The following KCNB2 variants were observed in gnomAD, a reference collection of about 807,000 sequenced individuals.
The protein encoded by KCNB2 is delayed rectifier potassium channel protein.
KCNB2 carries 15 observed loss-of-function variants against 61.5 expected under a neutral mutation model. The ratio of observed to expected loss-of-function variants is 0.24; its 90% CI spans 0.16 to 0.38. The LOEUF is 0.38. KCNB2 is among the 10% of genes least tolerant of loss of function. The pLI is 1.00. For synonymous variants in KCNB2, 457 were observed against 446.0 expected (o/e 1.02, Z -0.31); for missense variants, 828 against 1,125.2 (o/e 0.74, Z 3.78).
intron 2 of KCNB2, among the ~76,000 whole-genome samples, chr8:72,569,419 A>T (rs1806677191): frequency 6.6e-6 from 1 of 152,218 alleles, no homozygotes. Context: ...GCACATAAAT[A>T]ATCAGCTAAT....
At chr8:72,631,073 C>T (rs1458184920) in intron 2 of KCNB2, among the ~76,000 whole-genome samples, 1 of 152,086 alleles carries the variant, frequency 6.6e-6, no homozygotes, top group African/African-American at 2.4e-5. Flanking sequence ...AGATGAACAA[C>T]AATAACTAAT....
intron 2 of KCNB2, among the ~76,000 whole-genome samples, chr8:72,616,926 G>T (rs1805628471): frequency 6.6e-6 from 1 of 152,190 alleles, no homozygotes; most frequent in African/African-American, 2.4e-5. Context: ...GGGCTTAAAT[G>T]GATCTCACGG....
chr8:72,667,006 T>TGTGTGTGAGAGAGA (rs141712140), intron 2 of KCNB2, among the ~76,000 whole-genome samples: 3 of 147,830 alleles, frequency 2.0e-5, no homozygotes, highest in African/African-American at 7.6e-5. Flanking sequence ...TGTGTGTGTG[T>TGTGTGTGAGAGAGA]GAGAGAGAGA....
rs1406310738 is a variant in KCNB2 at position 72,920,473 on chromosome 8, C to CTATCTATCTATA, written c.580-15459_580-15458insCTATCTATATAT. On this transcript the variant is annotated intron_variant, in intron 2 of 2. Coordinates refer to ENST00000523207, the MANE Select transcript of KCNB2 (RefSeq NM_004770.3). ...TCTATCTATCTATCTATCTATCTATCTATATATATATATATTAGCTGGCCA... is the reference window on the plus strand; with the variant it reads ...TCTATCTATCTATCTATCTATCTATCTATCTATCTATATATATATATATATATTAGCTGGCCA... Among the ~76,000 whole-genome samples the CTATCTATCTATA allele has an allele frequency of 2.8e-3, 223 of 78,800 alleles. 11 individuals carry two copies. Among genetic ancestry groups the CTATCTATCTATA allele is most frequent in the African/African-American group, 9.6e-3 (214 of 22,182 alleles). The allele number at this position is 78,800 out of a possible 152,430, so 51.7% of individuals were successfully genotyped here.
intron 2 of KCNB2, among the ~76,000 whole-genome samples, chr8:72,802,961 G>A (rs576449147): frequency 3.3e-5 from 5 of 152,274 alleles, no homozygotes; most frequent in African/African-American, 1.2e-4. Context: ...GGTGTTCAGT[G>A]AAAGATTTAT....
chr8:72,589,182 C>T (rs1272022930), intron 2 of KCNB2, among the ~76,000 whole-genome samples: 1 of 151,990 alleles, frequency 6.6e-6, no homozygotes, highest in Non-Finnish European at 1.5e-5. Flanking sequence ...ATAAGGTGAC[C>T]CTGAATGTGT....
intron 2 of KCNB2, among the ~76,000 whole-genome samples, chr8:72,686,797 A>G (rs911758161): frequency 6.6e-6 from 1 of 152,220 alleles, no homozygotes; most frequent in Admixed American, 6.5e-5. Flanking sequence ...AGTCCTGGGC[A>G]CAAAACTCAG....
chr8:72,554,602 C>A (rs1806394904), intron 1 of KCNB2, among the ~76,000 whole-genome samples: 3 of 152,134 alleles, frequency 2.0e-5, no homozygotes, highest in Admixed American at 2.0e-4. Context: ...GCTTTAGCTA[C>A]TGGCCCTGAT....
chr8:72,659,061 T>A (rs149021745), intron 2 of KCNB2, among the ~76,000 whole-genome samples: 1 of 152,134 alleles, frequency 6.6e-6, no homozygotes, highest in Admixed American at 6.5e-5. Context: ...TATAAAAAAA[T>A]ACATTTTATA....
chr8:72,920,421 G>T (rs1806487197), intron 2 of KCNB2, among the ~76,000 whole-genome samples: 1 of 124,762 alleles, frequency 8.0e-6, no homozygotes, highest in African/African-American at 2.7e-5. Flanking sequence ...TGGGCAACAT[G>T]GCAAAACCCC....
intron 2 of KCNB2, among the ~76,000 whole-genome samples, chr8:72,779,927 A>G (rs1266664192): frequency 6.6e-6 from 1 of 152,100 alleles, no homozygotes; most frequent in Non-Finnish European, 1.5e-5. Context: ...TGTTACTGAG[A>G]TTTATCTAGC....
At chr8:72,718,502 A>T (rs1226414432) in intron 2 of KCNB2, among the ~76,000 whole-genome samples, 1 of 152,192 alleles carries the variant, frequency 6.6e-6, no homozygotes. Context: ...TGATGAGTTC[A>T]TCTCTTTTGT....
chr8:72,828,656 A>G (rs1297240036), intron 2 of KCNB2, among the ~76,000 whole-genome samples: 1 of 152,192 alleles, frequency 6.6e-6, no homozygotes, highest in East Asian at 1.9e-4. Context: ...CTAAAAATAT[A>G]TTCTATTCTA....
chr8:72,718,130 G>C (rs576728971), intron 2 of KCNB2, among the ~76,000 whole-genome samples: 1 of 152,228 alleles, frequency 6.6e-6, no homozygotes, highest in Non-Finnish European at 1.5e-5. Flanking sequence ...TCTCACACCA[G>C]TTAGAATGGC....
chr8:72,709,702 C>T lies in KCNB2; in HGVS notation c.579+141389C>T, dbSNP rs190493783. Among the ~76,000 whole-genome samples, 126 of 152,124 alleles carry T rather than the reference C, an allele frequency of 8.3e-4. 1 individual carries two copies. Among genetic ancestry groups the T allele is most frequent in the African/African-American group, 3.0e-3 (123 of 41,520 alleles). ...TCCACCCCGCTGATCCAGTCACCTC[C>T]CACCAGGCCCCACCTGCAGCCCTGG... On this transcript the variant is annotated intron_variant, in intron 2 of 2. Transcript: ENST00000523207.
rs185426576 is a variant in KCNB2, at chr8:72,676,450, G to T, written c.579+108137G>T. Among the ~76,000 whole-genome samples, 116 of 151,334 alleles carry T rather than the reference G, an allele frequency of 7.7e-4. 1 individual carries two copies. Among genetic ancestry groups the T allele is most frequent in the East Asian group, 3.9e-4 (2 of 5,136 alleles). On this transcript the variant is annotated intron_variant, in intron 2 of 2. Transcript: ENST00000523207. ...TTCCTGCCTCTGATCTGCCCTCTCTGGTTCCTATAATCTTGCTCTTATTAT... is the reference window on the plus strand; with the variant it reads ...TTCCTGCCTCTGATCTGCCCTCTCTTGTTCCTATAATCTTGCTCTTATTAT...
chr8:72,549,536 A>G (rs914526364), intron 1 of KCNB2, among the ~76,000 whole-genome samples: 1 of 152,166 alleles, frequency 6.6e-6, no homozygotes, highest in Non-Finnish European at 1.5e-5. Context: ...GGGGGCTGGG[A>G]GTAGGGGCTG....
intron 2 of KCNB2, among the ~76,000 whole-genome samples, chr8:72,906,447 ATT>A (rs1412748209): frequency 1.3e-5 from 2 of 152,218 alleles, no homozygotes; most frequent in African/African-American, 4.8e-5. Context: ...TGAAAAAAGT[ATT>A]TATTTCCATT....
At chr8:72,801,730 G>T (rs1809129588) in intron 2 of KCNB2, among the ~76,000 whole-genome samples, 1 of 151,994 alleles carries the variant, frequency 6.6e-6, no homozygotes, top group South Asian at 2.1e-4. Context: ...TCTTTACCTT[G>T]GCACATCTGA....
Sources: gnomAD v4.1 joint callset for allele counts (sites outside exome capture counted in the v4.1 genomes callset) on GRCh38, gnomAD v4.1.1 for gene constraint, MANE v1.5 for transcripts, NCBI Gene and HGNC (gene_info 2026-07-23, HGNC 2026-07-21) for gene names.